TSEN15: variants seen among roughly 807,000 people sequenced by gnomAD.
The protein encoded by TSEN15 is tRNA-splicing endonuclease subunit Sen15.
TSEN15 carries 10 observed loss-of-function variants against 20.5 expected under a neutral mutation model. That is an observed-to-expected ratio of 0.49 (90% CI 0.30 to 0.83). The LOEUF (loss-of-function observed/expected upper bound fraction) is 0.83. TSEN15 is among the 40% of genes least tolerant of loss of function. The probability of loss-of-function intolerance (pLI) is 0.06; values close to 1 mark genes in which losing one functional copy is unlikely to be tolerated. For missense variants in TSEN15, 180 were observed against 218.6 expected (o/e 0.82, Z 1.11); for synonymous variants, 72 against 80.1 (o/e 0.90, Z 0.54).
chr1:184,075,258 G>C (rs989822323), downstream of TSEN15, among the ~76,000 whole-genome samples: 3 of 152,020 alleles, frequency 2.0e-5, no homozygotes, highest in Non-Finnish European at 4.4e-5. Flanking sequence ...CACCAAAGTT[G>C]TTCTGTCCAA....
downstream of TSEN15, among the ~76,000 whole-genome samples, chr1:184,078,964 C>T (rs759207957): frequency 1.9e-4 from 29 of 152,066 alleles, 1 homozygote; most frequent in Non-Finnish European, 4.0e-4. Flanking sequence ...CACAGTGGTT[C>T]CTGCCAAAGT....
intron 3 of TSEN15, among the ~76,000 whole-genome samples, chr1:184,071,868 A>G (rs951992137): frequency 5.3e-5 from 8 of 152,146 alleles, no homozygotes; most frequent in Non-Finnish European, 1.2e-4. Context: ...ACTATATGCT[A>G]TCTACAAAAG....
At chr1:184,079,573 G>GGA (rs143851956) in intron 3 of TSEN15, among the ~76,000 whole-genome samples, 8 of 151,992 alleles carry the variant, frequency 5.3e-5, no homozygotes, top group Admixed American at 2.6e-4. Flanking sequence ...TGAGAAAAAA[G>GGA]GAGAGAGAGA....
At chr1:184,094,169 T>C (rs1174715136) in intron 3 of TSEN15, 1 of 152,234 alleles carries the variant, frequency 6.6e-6, no homozygotes, top group Non-Finnish European at 1.5e-5. Context: ...GTGGCGGTTA[T>C]TCTCCCATTT....
At chr1:184,076,281 T>A (rs1217278192), downstream of TSEN15, among the ~76,000 whole-genome samples, 1 of 152,112 alleles carries the variant, frequency 6.6e-6, no homozygotes, top group African/African-American at 2.4e-5. Flanking sequence ...TATTATTATA[T>A]CTGATATGGT....
chr1:184,058,112 G>T, intron 3 of TSEN15: 2 of 416,624 alleles, frequency 4.8e-6, no homozygotes, highest in South Asian at 1.9e-5. Context: ...CATTTCATAA[G>T]TCTAGAAGTA....
At chr1:184,067,958 ATATATATATATATG>A (rs1422520147) in intron 3 of TSEN15, among the ~76,000 whole-genome samples, 26 of 143,160 alleles carry the variant, frequency 1.8e-4, no homozygotes, top group Admixed American at 1.5e-3. Flanking sequence ...ATATATATAT[ATATATATATATATG>A]TACATATGTA....
intron 3 of TSEN15, among the ~76,000 whole-genome samples, chr1:184,082,264 C>T (rs1448403423): frequency 2.0e-5 from 3 of 152,068 alleles, no homozygotes; most frequent in African/African-American, 7.2e-5. Flanking sequence ...TCCTGCAGTG[C>T]CTGAGGTCCA....
intron 3 of TSEN15, among the ~76,000 whole-genome samples, chr1:184,088,155 G>A (rs1651296939): frequency 6.6e-6 from 1 of 152,008 alleles, no homozygotes. Flanking sequence ...CAGCCAGGGA[G>A]GTCTGCTTCC....
chr1:184,087,312 C>G (rs543041656), intron 3 of TSEN15, among the ~76,000 whole-genome samples: 5 of 152,072 alleles, frequency 3.3e-5, no homozygotes, highest in African/African-American at 9.6e-5. Context: ...TTTCTTTTTA[C>G]TATCTCTTTG....
chr1:184,074,196 A>G lies in TSEN15; in HGVS notation c.*1349A>G, dbSNP rs968762545. On this transcript the variant is annotated 3_prime_UTR_variant, in exon 5 of 5. Coordinates refer to ENST00000645668, the MANE Select transcript of TSEN15 (RefSeq NM_052965.4). ...TTTTTATTTGTATTTTATAATAAAAATGTTTTAAAATTAAAAGGTGTCTTG... is the reference window on the plus strand; with the variant it reads ...TTTTTATTTGTATTTTATAATAAAAGTGTTTTAAAATTAAAAGGTGTCTTG... The G allele has an allele frequency of 3.6e-4, 55 of 152,208 alleles. 1 individual carries two copies. The highest frequency in any genetic ancestry group is 3.6e-3 in the Admixed American group (55 of 15,278). The allele number at this position is 152,208 out of a possible 1,614,324, so 9.4% of individuals were successfully genotyped here. A position where few individuals can be genotyped will look rare whatever the true frequency, so the allele number is the denominator to read the frequency against.
rs1650164441 is a variant in TSEN15, at chr1:184,054,392, C to T, written c.174C>T (p.Thr58=). Reference sequence around the variant, plus strand: ...TGGAATTAGATATAGGAGATGCCACCCAAGTTTATGTAGCGTTCTTGGTTT... The same window carrying T: ...TGGAATTAGATATAGGAGATGCCACTCAAGTTTATGTAGCGTTCTTGGTTT... The part of the protein sequence containing the change: ...EMMELDIGDA[T]QVYVAFLVYL... The change falls in exon 2 of 5, where the codon ACC becomes ACT. Residue 58 remains threonine, a synonymous_variant. Coordinates refer to ENST00000645668, the MANE Select transcript of TSEN15 (RefSeq NM_052965.4). 1.9e-6 allele frequency: 3 copies of T among 1,609,460 alleles called. No homozygotes were observed. The highest frequency in any genetic ancestry group is 1.1e-5 in the South Asian group (1 of 90,656).
chr1:184,064,990 G>A (rs1237503772), intron 3 of TSEN15, among the ~76,000 whole-genome samples: 3 of 152,114 alleles, frequency 2.0e-5, no homozygotes, highest in Non-Finnish European at 4.4e-5. Context: ...ATGAACCTCA[G>A]ACTCATATAT....
downstream of TSEN15, among the ~76,000 whole-genome samples, chr1:184,079,055 A>G (rs1369211901): frequency 3.3e-5 from 5 of 152,264 alleles, no homozygotes; most frequent in East Asian, 9.7e-4. Flanking sequence ...ATAATGTGCT[A>G]TCCTCTGAGC....
intron 3 of TSEN15, among the ~76,000 whole-genome samples, chr1:184,092,374 G>A (rs533744937): frequency 6.6e-6 from 1 of 152,322 alleles, no homozygotes; most frequent in Non-Finnish European, 1.5e-5. Context: ...GAAATAAGTA[G>A]GGACTGTTCT....
At chr1:184,060,426 G>T (rs980034540) in intron 3 of TSEN15, among the ~76,000 whole-genome samples, 1 of 152,268 alleles carries the variant, frequency 6.6e-6, no homozygotes, top group Non-Finnish European at 1.5e-5. Context: ...ATGATGCCCT[G>T]CCCCTGAAGC....
intron 1 of TSEN15, among the ~76,000 whole-genome samples, chr1:184,052,713 A>T (rs1650099512): frequency 6.6e-6 from 1 of 152,206 alleles, no homozygotes; most frequent in Admixed American, 6.5e-5. Context: ...GCTTAATTTT[A>T]TCTTCCTACT....
intron 3 of TSEN15, among the ~76,000 whole-genome samples, chr1:184,067,858 G>A (rs1650727086): frequency 1.4e-5 from 2 of 147,874 alleles, no homozygotes; most frequent in Non-Finnish European, 3.0e-5. Context: ...AGGAGGTGGA[G>A]GTTGCAGTGA....
At chr1:184,090,853 G>C (rs1190371531) in intron 3 of TSEN15, among the ~76,000 whole-genome samples, 1 of 152,164 alleles carries the variant, frequency 6.6e-6, no homozygotes, top group Admixed American at 6.5e-5. Flanking sequence ...GTGGGTAGGG[G>C]ACTGACTTCA....
Sources: gnomAD v4.1 joint callset for allele counts (sites outside exome capture counted in the v4.1 genomes callset) on GRCh38, gnomAD v4.1.1 for gene constraint, MANE v1.5 for transcripts, NCBI Gene and HGNC (gene_info 2026-07-23, HGNC 2026-07-21) for gene names.